The following SCIN variants were observed in gnomAD, a reference collection of about 807,000 sequenced individuals.
The protein encoded by SCIN is scinderin.
In SCIN, 91 loss-of-function variants were observed where a neutral mutation model predicts 91.8. The ratio of observed to expected loss-of-function variants is 0.99; its 90% CI spans 0.84 to 1.18. The LOEUF (loss-of-function observed/expected upper bound fraction) is 1.18, where lower values mean the gene tolerates loss of function less well. Among genes scored for constraint, SCIN ranks in the 50% most tolerant of loss-of-function variants. The probability of loss-of-function intolerance (pLI) is 0.00; values close to 1 mark genes in which losing one functional copy is unlikely to be tolerated. For synonymous variants in SCIN, 367 were observed against 312.6 expected, an observed-to-expected ratio of 1.17 and a Z score of -1.84; for missense variants, 1,087 against 863.9, an observed-to-expected ratio of 1.26 and a Z score of -3.24.
intron 4 of SCIN, among the ~76,000 whole-genome samples, chr7:12,607,790 A>C (rs1000088645): frequency 6.6e-6 from 1 of 152,222 alleles, no homozygotes; most frequent in Non-Finnish European, 1.5e-5. Context: ...TGATTACAAG[A>C]AAGAGTAATT....
At position 12,644,241 on chromosome 7, in the gene SCIN, AG is replaced by A; in HGVS notation, c.1687del (p.Glu563ArgfsTer7). On this transcript the variant is annotated frameshift_variant, in exon 12 of 16. Coordinates refer to ENST00000297029, the MANE Select transcript of SCIN (RefSeq NM_001112706.3). LOFTEE classifies it high-confidence loss of function. ...GTAGGAAAAGGTGCTAGCCAGGAGGAGGAGAAAGGAGCAGAGTATGTAGCAA... is the reference window on the plus strand; with the variant it reads ...GTAGGAAAAGGTGCTAGCCAGGAGGAGAGAAAGGAGCAGAGTATGTAGCAA... Reference protein sequence around the residue: ...IWVGKGASQEEEKGAEYVASV... With the variant: ...IWVGKGASQEXEKGAEYVASV... 1 of 1,608,086 alleles carries A rather than the reference AG, an allele frequency of 6.2e-7. No individual in the cohort carries two copies. The highest frequency in any genetic ancestry group is 8.5e-7 in the Non-Finnish European group (1 of 1,176,944).
chr7:12,628,972 T>C, intron 8 of SCIN, 129 bp from the exon 9 acceptor site: 1 of 777,024 alleles, frequency 1.3e-6, no homozygotes, highest in South Asian at 2.2e-5. Flanking sequence ...GCTTGATTTG[T>C]AAACTAGTTA....
intron 3 of SCIN, among the ~76,000 whole-genome samples, chr7:12,583,980 C>T (rs1782538074): frequency 1.3e-5 from 2 of 152,092 alleles, no homozygotes; most frequent in Non-Finnish European, 2.9e-5. Context: ...CAATTATATT[C>T]TGGAATTTTC....
At chr7:12,590,255 T>G (rs1782689935) in intron 3 of SCIN, among the ~76,000 whole-genome samples, 1 of 152,118 alleles carries the variant, frequency 6.6e-6, no homozygotes, top group Admixed American at 6.5e-5. Flanking sequence ...AAGAATAAAT[T>G]TTGTCCTCTT....
At chr7:12,623,673 G>A (rs965134620) in intron 5 of SCIN, among the ~76,000 whole-genome samples, 1 of 152,148 alleles carries the variant, frequency 6.6e-6, no homozygotes, top group East Asian at 1.9e-4. Flanking sequence ...TCTCCATGCA[G>A]AATTTAGTAG....
intron 3 of SCIN, among the ~76,000 whole-genome samples, chr7:12,584,005 G>T (rs1305096529): frequency 6.6e-6 from 1 of 152,078 alleles, no homozygotes; most frequent in African/African-American, 2.4e-5. Flanking sequence ...ACTCAAAAGG[G>T]ATACCCTGGT....
chr7:12,591,368 C>T (rs1370612657), intron 3 of SCIN, among the ~76,000 whole-genome samples: 1 of 152,050 alleles, frequency 6.6e-6, no homozygotes, highest in Non-Finnish European at 1.5e-5. Context: ...TAGTTTCCTG[C>T]TTTCTAGAGC....
chr7:12,647,171 G>A (rs993589502), intron 13 of SCIN, among the ~76,000 whole-genome samples: 3 of 152,074 alleles, frequency 2.0e-5, no homozygotes, highest in African/African-American at 7.2e-5. Context: ...TTCTCAGTGT[G>A]TTTAAAGAAA....
intron 3 of SCIN, among the ~76,000 whole-genome samples, chr7:12,601,450 T>C (rs1187859073): frequency 6.6e-6 from 1 of 152,220 alleles, no homozygotes; most frequent in Non-Finnish European, 1.5e-5. Flanking sequence ...AGTGGCAGCC[T>C]AGGTCCATTT....
At chr7:12,632,057 G>C (rs1373966209) in intron 9 of SCIN, among the ~76,000 whole-genome samples, 1 of 151,102 alleles carries the variant, frequency 6.6e-6, no homozygotes, top group Non-Finnish European at 1.5e-5. Context: ...CAAAGAGTTT[G>C]TATGGGGTGT....
At chr7:12,596,209 A>C (rs1261861158) in intron 3 of SCIN, 1 of 370,340 alleles carries the variant, frequency 2.7e-6, no homozygotes, top group African/African-American at 2.1e-5. Flanking sequence ...GGAGGTGAGA[A>C]TATGCAGTGT....
Position 12,602,657 on chromosome 7 carries a change from C to T in SCIN, c.517-1857C>T, listed in dbSNP as rs531663381. ...ATTCCTTGCTAGGAAAAGAATTTAG[C>T]GATATCTCTCCTACTTGCACGTCCA... is the stretch of plus-strand genomic sequence containing the variant. On this transcript the variant is annotated intron_variant, in intron 3 of 15. Coordinates refer to ENST00000297029, the MANE Select transcript of SCIN (RefSeq NM_001112706.3). Among the ~76,000 whole-genome samples, 19 of 152,206 alleles carry T rather than the reference C, an allele frequency of 1.2e-4. No individual in the cohort carries two copies. In the East Asian group the frequency reaches 1.5e-3, roughly 12 times the overall value.
intron 4 of SCIN, among the ~76,000 whole-genome samples, chr7:12,610,379 C>A (rs553911397): frequency 1.3e-5 from 2 of 152,252 alleles, no homozygotes; most frequent in South Asian, 4.1e-4. Context: ...CCTGTTAAGG[C>A]AAAGAGTAAA....
At position 12,570,888 on chromosome 7, in the gene SCIN, G is replaced by A. The variant is rs1348984099; in HGVS notation, c.102G>A (p.Gln34=). The change falls in exon 1 of 16, where the codon CAG becomes CAA. Residue 34 remains glutamine (Q), a synonymous_variant. Transcript: ENST00000297029. ...IEKLELVPVP[Q]SAHGDFYVGD... ...AGCTGGAGCTGGTGCCCGTGCCCCAGAGCGCTCACGGCGACTTCTACGTCG... is the reference window on the plus strand; with the variant it reads ...AGCTGGAGCTGGTGCCCGTGCCCCAAAGCGCTCACGGCGACTTCTACGTCG... 1.3e-6 allele frequency: 2 copies of A among 1,551,604 alleles called. No individual in the cohort carries two copies. The highest frequency in any genetic ancestry group is 8.7e-7 in the Non-Finnish European group (1 of 1,146,964).
rs1407403281 is a variant in SCIN, at chr7:12,656,835, A to G, written c.*4120A>G. ...CTACTCGGGAGGCTGAGGCAGGAGA[A>G]TCGCTTGAACCCGGGAGGCGGAGGT... On this transcript the variant is annotated 3_prime_UTR_variant, in exon 16 of 16. Transcript: ENST00000297029. The G allele has an allele frequency of 6.6e-6, 1 of 152,124 alleles. No homozygotes were observed. Among genetic ancestry groups the G allele is most frequent in the Non-Finnish European group, 1.5e-5 (1 of 68,118 alleles). The allele number at this position is 152,124 out of a possible 1,614,324, so 9.4% of individuals were successfully genotyped here.
intron 1 of SCIN, among the ~76,000 whole-genome samples, chr7:12,573,205 G>T (rs1261049329): frequency 1.3e-5 from 2 of 152,164 alleles, no homozygotes; most frequent in Non-Finnish European, 2.9e-5. Flanking sequence ...AATCCATGAG[G>T]ATTCATCAGA....
At position 12,640,450 on chromosome 7, in the gene SCIN, C is replaced by T. The variant is rs201044960; in HGVS notation, c.1514C>T (p.Ala505Val). ...GGAACATCAAAGAAAGGAGGTCAGG[C>T]ACCTGCTCCCCCTACACGCCTCTTT... ...KNGTSKKGGQAPAPPTRLFQV... is the reference protein window; with the variant it reads ...KNGTSKKGGQVPAPPTRLFQV... Residue 505 changes from alanine (A) to valine (V), a missense_variant, in exon 11 of 16, where the codon GCA (alanine) becomes GTA (valine). Ala to Val is a moderately conservative substitution (Grantham distance 64, BLOSUM62 0). Transcript: ENST00000297029. The T allele has an allele frequency of 3.3e-4, 531 of 1,613,210 alleles. No individual in the cohort carries two copies. The highest frequency in any genetic ancestry group is 4.2e-4 in the Non-Finnish European group (500 of 1,179,628).
At chr7:12,597,854 C>A (rs1440354541) in intron 3 of SCIN, among the ~76,000 whole-genome samples, 1 of 152,186 alleles carries the variant, frequency 6.6e-6, no homozygotes, top group African/African-American at 2.4e-5. Context: ...TATAGTTTCA[C>A]AAACTTCTGC....
intron 3 of SCIN, among the ~76,000 whole-genome samples, chr7:12,591,571 C>T (rs73293098): frequency 0.018 from 2,689 of 152,074 alleles, 64 homozygotes; most frequent in African/African-American, 0.061. Flanking sequence ...CAGGTAAGGA[C>T]GGAGCTGACG....
Sources: allele counts gnomAD v4.1 joint callset (sites outside exome capture counted in the v4.1 genomes callset), GRCh38; gene constraint gnomAD v4.1.1; transcripts MANE v1.5; gene names NCBI Gene and HGNC (gene_info 2026-07-23, HGNC 2026-07-21).